Variants in ATR observed in about 807,000 individuals in gnomAD.
ATR encodes the protein serine/threonine-protein kinase ATR.
A neutral mutation model predicts 305.3 loss-of-function variants in ATR; 142 were observed. That is an observed-to-expected ratio of 0.47 (90% CI 0.41 to 0.53). The LOEUF is 0.53. ATR is among the 20% of genes least tolerant of loss of function. The pLI is 0.00. For synonymous variants in ATR, 1,050 were observed against 1,068.1 expected (o/e 0.98, Z 0.33); for missense variants, 2,135 against 3,133.1 (o/e 0.68, Z 7.60).
chr3:142,454,437 CTTTTT>C (rs760823609), intron 45 of ATR, among the ~76,000 whole-genome samples: 4 of 101,476 alleles, frequency 3.9e-5, no homozygotes, highest in East Asian at 6.0e-4. Context: ...TGATAGACAG[CTTTTT>C]TTTTTTTTTT....
intron 24 of ATR, among the ~76,000 whole-genome samples, chr3:142,516,894 A>AT (rs1220081605): frequency 6.6e-6 from 1 of 151,360 alleles, no homozygotes; most frequent in African/African-American, 2.4e-5. Context: ...TGTGTGTAGG[A>AT]TTTTTTTGAA....
At chr3:142,523,541 T>C (rs1241922795) in intron 22 of ATR, among the ~76,000 whole-genome samples, 4 of 152,186 alleles carry the variant, frequency 2.6e-5, no homozygotes, top group South Asian at 2.1e-4. Context: ...CTTGGAGATA[T>C]AGTCTTAGAG....
intron 13 of ATR, among the ~76,000 whole-genome samples, chr3:142,550,980 T>A (rs1476999875): frequency 6.6e-6 from 1 of 151,978 alleles, no homozygotes; most frequent in Non-Finnish European, 1.5e-5. Flanking sequence ...AGACATGGGG[T>A]TTCACCATGC....
At chr3:142,499,285 A>C in intron 31 of ATR, 2 of 311,852 alleles carry the variant, frequency 6.4e-6, no homozygotes, top group Non-Finnish European at 1.2e-5. Flanking sequence ...TTTATGTCAT[A>C]TTAAAACCGC....
intron 23 of ATR, among the ~76,000 whole-genome samples, chr3:142,520,388 A>G (rs1023617327): frequency 1.3e-4 from 20 of 152,224 alleles, no homozygotes; most frequent in African/African-American, 4.8e-4. Flanking sequence ...CCTAGTGAAG[A>G]AGGCATGTCA....
intron 36 of ATR, among the ~76,000 whole-genome samples, chr3:142,483,653 A>G (rs1559927264): frequency 6.6e-6 from 1 of 151,998 alleles, no homozygotes; most frequent in Admixed American, 6.6e-5. Flanking sequence ...CCTGACCAAC[A>G]TGGTGAAACC....
chr3:142,472,347 G>A (rs1376539189), intron 36 of ATR: 1 of 152,128 alleles, frequency 6.6e-6, no homozygotes, highest in Non-Finnish European at 1.5e-5. Context: ...TCTCCATACT[G>A]TTTTCCATAA....
chr3:142,519,161 T>C (rs1302111353), intron 24 of ATR, among the ~76,000 whole-genome samples: 5 of 152,220 alleles, frequency 3.3e-5, no homozygotes, highest in Non-Finnish European at 5.9e-5. Context: ...TATCTGAATA[T>C]TTAAAGTTGT....
At chr3:142,483,655 G>A (rs950708599) in intron 36 of ATR, among the ~76,000 whole-genome samples, 2 of 151,830 alleles carry the variant, frequency 1.3e-5, no homozygotes, top group Non-Finnish European at 2.9e-5. Flanking sequence ...TGACCAACAT[G>A]GTGAAACCCC....
intron 39 of ATR, 103 bp from the exon 40 acceptor site, chr3:142,466,636 GT>G (rs1392457467): frequency 6.7e-5 from 75 of 1,123,616 alleles, no homozygotes; most frequent in Non-Finnish European, 5.4e-5. Flanking sequence ...TCAGCAGTCT[GT>G]GGTTTTCTAA....
intron 16 of ATR, among the ~76,000 whole-genome samples, chr3:142,543,444 TCCTC>T (rs1304519623): frequency 1.4e-5 from 2 of 146,924 alleles, no homozygotes; most frequent in Non-Finnish European, 3.0e-5. Context: ...CGTCCTTTCT[TCCTC>T]CCTCCTTTCC....
At chr3:142,496,977 A>T (rs1225137596) in intron 33 of ATR, 36 bp downstream of exon 33, 1 of 1,584,662 alleles carries the variant, frequency 6.3e-7, no homozygotes, top group South Asian at 1.1e-5. Flanking sequence ...CAAATTCAAG[A>T]TAAGTGACAT....
chr3:142,515,795 T>A (rs559164053), intron 24 of ATR, among the ~76,000 whole-genome samples: 2 of 152,278 alleles, frequency 1.3e-5, no homozygotes, highest in East Asian at 3.9e-4. Context: ...GCCACCCAGG[T>A]ATACTACCAT....
At chr3:142,491,124 A>C (rs1237504355) in intron 35 of ATR, among the ~76,000 whole-genome samples, 1 of 152,132 alleles carries the variant, frequency 6.6e-6, no homozygotes. Context: ...AAATTGTACC[A>C]ATTAGCAGTC....
intron 2 of ATR, among the ~76,000 whole-genome samples, chr3:142,566,930 G>A (rs967669408): frequency 3.3e-5 from 5 of 152,104 alleles, no homozygotes; most frequent in African/African-American, 9.7e-5. Flanking sequence ...TTTTAGTAGA[G>A]ACAGGGTTTC....
intron 42 of ATR, among the ~76,000 whole-genome samples, chr3:142,460,146 G>C (rs374459815): frequency 6.6e-6 from 1 of 152,004 alleles, no homozygotes; most frequent in African/African-American, 2.4e-5. Context: ...GACAAGTTAC[G>C]TAAGTTCTCT....
chr3:142,555,802 G>C (rs2034648332), intron 10 of ATR, 75 bp downstream of exon 10: 1 of 1,498,378 alleles, frequency 6.7e-7, no homozygotes. Context: ...CAAGGCTTCA[G>C]TCTAATTCTT....
At chr3:142,467,892 T>C in intron 39 of ATR, 42 bp downstream of exon 39, 2 of 1,604,118 alleles carry the variant, frequency 1.2e-6, no homozygotes, top group Non-Finnish European at 1.7e-6. Context: ...ATATACATAA[T>C]TACCCAACAT....
rs181813174 is a variant in ATR, at chr3:142,507,075, T to C, written c.5031+856A>G. Among the ~76,000 whole-genome samples the C allele has an allele frequency of 8.1e-4, 123 of 152,292 alleles. 1 individual carries two copies. Among genetic ancestry groups the C allele is most frequent in the South Asian group, 5.6e-3 (27 of 4,826 alleles). ...AGGGAACGATTTTAACCATGAACCATAGACTTAAAGCTGGACAAGGAGGAA... is the reference window on the plus strand; with the variant it reads ...AGGGAACGATTTTAACCATGAACCACAGACTTAAAGCTGGACAAGGAGGAA... On this transcript the variant is annotated intron_variant, in intron 28 of 46. Transcript: ENST00000350721.
Sources: gnomAD v4.1 joint callset for allele counts (sites outside exome capture counted in the v4.1 genomes callset) on GRCh38, gnomAD v4.1.1 for gene constraint, MANE v1.5 for transcripts, NCBI Gene and HGNC (gene_info 2026-07-23, HGNC 2026-07-21) for gene names.